USP4: variants seen among roughly 807,000 people sequenced by gnomAD.
USP4 encodes the protein ubiquitin carboxyl-terminal hydrolase 4.
USP4 carries 72 observed loss-of-function variants against 118.2 expected under a neutral mutation model. That is an observed-to-expected ratio of 0.61 (90% CI 0.50 to 0.74). The LOEUF (loss-of-function observed/expected upper bound fraction) is 0.74. Ranked by LOEUF, USP4 falls within the 30% of genes least tolerant of loss-of-function variation. The probability of loss-of-function intolerance (pLI) is 0.00; values close to 1 mark genes in which losing one functional copy is unlikely to be tolerated. For synonymous variants in USP4, 415 were observed against 440.4 expected, an observed-to-expected ratio of 0.94 and a Z score of 0.72; for missense variants, 1,037 against 1,185.7, an observed-to-expected ratio of 0.87 and a Z score of 1.84.
chr3:49,286,259 C>G lies in USP4; in HGVS notation c.2039G>C (p.Ser680Thr). The G allele has an allele frequency of 6.2e-7, 1 of 1,614,190 alleles. No individual in the cohort carries two copies. Among genetic ancestry groups the G allele is most frequent in the Non-Finnish European group, 8.5e-7 (1 of 1,180,044 alleles). ...GTCATTTCCTGGCTCATCTTCCCCA[C>G]TGCCTTCTGTTTCTGAAAGCTGCTC... The part of the protein sequence containing the change: ...GKEQLSETEG[S>T]GEDEPGNDPS... The change falls in exon 16 of 22, where the codon AGT (serine) becomes ACT (threonine). Residue 680 changes from serine (S) to threonine (T), a missense_variant. Ser to Thr is a moderately conservative substitution (Grantham distance 58). Around this residue, in one of 3 missense-constraint regions of USP4, gnomAD observed 522 missense variants for 592.6 expected, o/e 0.88. Transcript: ENST00000265560.
intron 1 of USP4, among the ~76,000 whole-genome samples, chr3:49,337,955 A>T (rs1017930630): frequency 7.0e-6 from 1 of 143,754 alleles, no homozygotes; most frequent in South Asian, 2.3e-4. Context: ...CTGAAGCAGG[A>T]GAATCGCTTG....
chr3:49,335,411 A>G, intron 2 of USP4, 58 bp downstream of exon 2: 4 of 1,609,810 alleles, frequency 2.5e-6, no homozygotes, highest in Non-Finnish European at 3.4e-6. Flanking sequence ...ACAGATGCAC[A>G]TAACATCAGG....
intron 8 of USP4, among the ~76,000 whole-genome samples, chr3:49,306,809 A>G (rs1000525039): frequency 1.3e-5 from 2 of 151,648 alleles, no homozygotes; most frequent in Non-Finnish European, 2.9e-5. Flanking sequence ...TTTGAGACAG[A>G]GTTTTGCTCT....
At chr3:49,283,339 T>G (rs1321251024) in intron 19 of USP4, among the ~76,000 whole-genome samples, 1 of 151,890 alleles carries the variant, frequency 6.6e-6, no homozygotes. Flanking sequence ...ATTTTTTATT[T>G]TTTGTAGAGA....
chr3:49,324,858 G>C (rs2047535257), intron 5 of USP4, 36 bp downstream of exon 5: 2 of 1,613,902 alleles, frequency 1.2e-6, no homozygotes, highest in South Asian at 2.2e-5. Flanking sequence ...ACCCTGGGCA[G>C]AGCTACCTGC....
chr3:49,300,233 G>A (rs896641705), intron 11 of USP4, among the ~76,000 whole-genome samples: 4 of 151,150 alleles, frequency 2.6e-5, no homozygotes, highest in African/African-American at 7.3e-5. Flanking sequence ...GCAACAGAGC[G>A]ACTCTGTCTC....
chr3:49,287,481 C>T (rs2047108527), intron 15 of USP4, among the ~76,000 whole-genome samples: 1 of 150,206 alleles, frequency 6.7e-6, no homozygotes, highest in Non-Finnish European at 1.5e-5. Flanking sequence ...GGTCAATTGC[C>T]TTTTTTTTTG....
In USP4 at chr3:49,299,143, G is replaced by A. The variant is rs149076943; in HGVS notation, c.1513-508C>T. On this transcript the variant is annotated intron_variant, in intron 11 of 21. Coordinates refer to ENST00000265560, the MANE Select transcript of USP4 (RefSeq NM_003363.4). ...CTTGCTCTGTCACACAAGCTGGAGC[G>A]CAGTGACGCGATCTTGGCTCACTGC... 9.5e-4 allele frequency among the ~76,000 whole-genome samples: 144 copies of A among 151,912 alleles called. 1 individual carries two copies. Among genetic ancestry groups the A allele is most frequent in the African/African-American group, 5.3e-4 (22 of 41,408 alleles).
Position 49,292,573 on chromosome 3 carries a change from C to G in USP4, c.1909G>C (p.Asp637His). Residue 637 changes from aspartate (D) to histidine (H), a missense_variant, in exon 15 of 22, where the codon GAT becomes CAT. This residue lies in a region of USP4 where 522 missense variants were observed against 592.6 expected (regional missense o/e 0.88). Transcript: ENST00000265560. ...TCCAAGGGTGAGCTGCCAAACTCAT[C>G]AGGTAAAGGCTGTTTCACATAGCGG... Reference protein sequence around the residue: ...ISRYVKQPLPDEFGSSPLEPG... With the variant: ...ISRYVKQPLPHEFGSSPLEPG... The G allele has an allele frequency of 1.9e-6, 3 of 1,597,630 alleles. No individual in the cohort carries two copies. Among genetic ancestry groups the G allele is most frequent in the Non-Finnish European group, 2.6e-6 (3 of 1,172,024 alleles).
Position 49,284,844 on chromosome 3 carries a change from C to T in USP4, c.2271+5G>A. The T allele has an allele frequency of 6.2e-7, 1 of 1,613,510 alleles. No homozygotes were observed. ...ACCACCGACCACGAACCCCGAGGGACCTACCTCAGATTCTTGCTCATCATA... is the reference window on the plus strand; with the variant it reads ...ACCACCGACCACGAACCCCGAGGGATCTACCTCAGATTCTTGCTCATCATA... On this transcript the variant is annotated splice_donor_5th_base_variant and intron_variant, in intron 17 of 21. Transcript: ENST00000265560.
Position 49,297,988 on chromosome 3 carries a change from G to C in USP4, c.1597-24C>G, listed in dbSNP as rs767520264. 32 of 1,527,370 alleles carry C rather than the reference G, an allele frequency of 2.1e-5. No homozygotes were observed. The East Asian group carries it at 7.0e-4, about 33-fold the overall frequency. The allele number at this position is 1,527,370 out of a possible 1,614,324, so 94.6% of individuals were successfully genotyped here. A position where few individuals can be genotyped will look rare whatever the true frequency, so the allele number is the denominator to read the frequency against. On this transcript the variant is annotated intron_variant, in intron 12 of 21. Coordinates refer to ENST00000265560, the MANE Select transcript of USP4 (RefSeq NM_003363.4). ...ATCTAAGAATGAACAGTAACAGAAA[G>C]ACCACAGAATGGCTAAGAGTGCCCC...
At chr3:49,284,799 C>G (rs1395974468) in intron 17 of USP4, 50 bp downstream of exon 17, 2 of 1,553,262 alleles carry the variant, frequency 1.3e-6, no homozygotes, top group Non-Finnish European at 1.8e-6. Flanking sequence ...AGTCCACATC[C>G]AGAGCAGAAA....
intron 19 of USP4, among the ~76,000 whole-genome samples, chr3:49,282,794 G>A (rs913385813): frequency 4.0e-5 from 6 of 151,230 alleles, no homozygotes; most frequent in East Asian, 2.0e-4. Flanking sequence ...TGCAACCTCC[G>A]CCTAGTGGGT....
intron 6 of USP4, chr3:49,311,876 T>C: frequency 8.3e-7 from 1 of 1,208,690 alleles, no homozygotes; most frequent in Non-Finnish European, 1.0e-6. Context: ...CACATACCCT[T>C]TCAGTGTGAA....
intron 14 of USP4, among the ~76,000 whole-genome samples, chr3:49,292,937 G>A (rs928125385): frequency 3.3e-5 from 5 of 152,258 alleles, no homozygotes; most frequent in Middle Eastern, 6.8e-3. Flanking sequence ...GGCTGAGGCA[G>A]GAGAATTACT....
chr3:49,312,280 G>A (rs1169792317), intron 6 of USP4: 2 of 295,302 alleles, frequency 6.8e-6, no homozygotes, highest in African/African-American at 4.5e-5. Context: ...AGACCAGCCT[G>A]GCCATGAGGT....
chr3:49,324,867 G>A, intron 5 of USP4, 27 bp downstream of exon 5: 4 of 1,614,012 alleles, frequency 2.5e-6, no homozygotes, highest in Non-Finnish European at 3.4e-6. Flanking sequence ...AGAGCTACCT[G>A]CTGGGGAATG....
chr3:49,338,173 T>G (rs1390143899), intron 1 of USP4, among the ~76,000 whole-genome samples: 2 of 151,254 alleles, frequency 1.3e-5, no homozygotes, highest in Non-Finnish European at 2.9e-5. Context: ...CCAACAAATG[T>G]GAGAGGAGGT....
At chr3:49,311,456 G>A in intron 7 of USP4, 58 bp downstream of exon 7, 1 of 1,589,896 alleles carries the variant, frequency 6.3e-7, no homozygotes, top group Non-Finnish European at 8.6e-7. Flanking sequence ...GAGCTCTCAA[G>A]ATACAGCCTG....
Sources: gnomAD v4.1 joint callset for allele counts (sites outside exome capture counted in the v4.1 genomes callset) on GRCh38, gnomAD v4.1.1 for gene constraint, gnomAD v4.1.1 regional missense constraint, MANE v1.5 for transcripts, NCBI Gene and HGNC (gene_info 2026-07-23, HGNC 2026-07-21) for gene names.